JAKMIP1: variants seen among roughly 807,000 people sequenced by gnomAD.
JAKMIP1 encodes the protein janus kinase and microtubule interacting protein 1.
JAKMIP1 carries 33 observed loss-of-function variants against 113.0 expected under a neutral mutation model. The ratio of observed to expected loss-of-function variants is 0.29; its 90% confidence interval spans 0.22 to 0.39. The LOEUF is 0.39. Ranked by LOEUF, JAKMIP1 falls within the 10% of genes least tolerant of loss-of-function variation. The probability of loss-of-function intolerance (pLI) is 1.00; values close to 1 mark genes in which losing one functional copy is unlikely to be tolerated. For missense variants in JAKMIP1, 813 were observed against 1,080.5 expected (o/e 0.75, Z 3.47); for synonymous variants, 480 against 459.9 (o/e 1.04, Z -0.56).
At position 6,192,225 on chromosome 4, in the gene JAKMIP1, G is replaced by T. The variant is rs559509435; in HGVS notation, c.-148+8028C>A. Among the ~76,000 whole-genome samples, 2 of 152,068 alleles carry T rather than the reference G, an allele frequency of 1.3e-5. No individual in the cohort carries two copies. The highest frequency in any genetic ancestry group is 2.9e-5 in the Non-Finnish European group (2 of 68,012). ...TGGGATTACAGGCGTGAGCCACCGC[G>T]CCTGGCCAGGGTGTATTTTTCACTC... On this transcript the variant is annotated intron_variant, in intron 1 of 20. Coordinates refer to ENST00000409021, the MANE Select transcript of JAKMIP1 (RefSeq NM_001099433.2). The surrounding 1 kb of genome is among the most constrained non-coding windows in gnomAD (Gnocchi z 5.0).
At chr4:6,144,056 T>C (rs1386523181) in intron 1 of JAKMIP1, among the ~76,000 whole-genome samples, 1 of 152,180 alleles carries the variant, frequency 6.6e-6, no homozygotes, top group Non-Finnish European at 1.5e-5. Flanking sequence ...AGGAGCTGCA[T>C]CATGACACAG....
intron 1 of JAKMIP1, among the ~76,000 whole-genome samples, chr4:6,148,671 A>T (rs1392885701): frequency 6.6e-6 from 1 of 152,246 alleles, no homozygotes; most frequent in Non-Finnish European, 1.5e-5. Flanking sequence ...CAGGAGCCCC[A>T]ATAAACGGCA....
At chr4:6,074,827 A>T (rs1439007264) in intron 8 of JAKMIP1, among the ~76,000 whole-genome samples, 1 of 152,238 alleles carries the variant, frequency 6.6e-6, no homozygotes, top group Non-Finnish European at 1.5e-5. Flanking sequence ...TTAGATACAC[A>T]AATACCATTG....
intron 3 of JAKMIP1, among the ~76,000 whole-genome samples, chr4:6,099,564 T>A (rs1335155661): frequency 6.6e-6 from 1 of 150,596 alleles, no homozygotes; most frequent in East Asian, 2.0e-4. Flanking sequence ...AACCCCACAA[T>A]ACAATCTGAT....
chr4:6,149,011 AG>A (rs1721222972), intron 1 of JAKMIP1, among the ~76,000 whole-genome samples: 1 of 152,128 alleles, frequency 6.6e-6, no homozygotes, highest in African/African-American at 2.4e-5. Context: ...TTAGGTTTGC[AG>A]GGGGGTGGCG....
Position 6,094,370 on chromosome 4 carries a change from C to A in JAKMIP1, c.625-8741G>T, listed in dbSNP as rs1578212984. Among the ~76,000 whole-genome samples, 1 of 152,310 alleles carries A rather than the reference C, an allele frequency of 6.6e-6. No individual in the cohort carries two copies. Among genetic ancestry groups the A allele is most frequent in the East Asian group, 1.9e-4 (1 of 5,176 alleles). On this transcript the variant is annotated intron_variant, in intron 3 of 20. Transcript: ENST00000409021. The surrounding 1 kb of genome is among the most constrained non-coding windows in gnomAD (Gnocchi z 4.2). ...CCTGAAGCTTGATGCGAAAGGGCCA[C>A]TGAGAAGGCCAGAAATGGGCCACTC...
chr4:6,189,460 C>T (rs1420406126), intron 1 of JAKMIP1, among the ~76,000 whole-genome samples: 1 of 152,112 alleles, frequency 6.6e-6, no homozygotes, highest in Non-Finnish European at 1.5e-5. Flanking sequence ...GCAGAGTGGA[C>T]CTGATGCAAG....
rs1714275107 is a variant in JAKMIP1, at chr4:6,108,121, G to T, written c.130-2154C>A. The stretch of plus-strand genomic sequence containing the variant: ...CTGGTGATCCAGGTGTGTAGGGCAG[G>T]GATGGTGACAGAGAGGCAGGGGCCT... On this transcript the variant is annotated intron_variant, in intron 2 of 20. Transcript: ENST00000409021. The surrounding 1 kb of genome is among the most constrained non-coding windows in gnomAD (Gnocchi z 5.6). Among the ~76,000 whole-genome samples the T allele has an allele frequency of 6.6e-6, 1 of 152,128 alleles. No homozygotes were observed. Among genetic ancestry groups the T allele is most frequent in the East Asian group, 1.9e-4 (1 of 5,180 alleles).
At chr4:6,101,955 G>C (rs1263065734) in intron 3 of JAKMIP1, among the ~76,000 whole-genome samples, 1 of 149,826 alleles carries the variant, frequency 6.7e-6, no homozygotes, top group African/African-American at 2.4e-5. Flanking sequence ...GGATAGCACT[G>C]AATCTGTAGA....
intron 1 of JAKMIP1, among the ~76,000 whole-genome samples, chr4:6,121,541 G>A (rs530779415): frequency 3.3e-5 from 5 of 152,292 alleles, no homozygotes; most frequent in Non-Finnish European, 7.3e-5. Context: ...ACTAAATCCC[G>A]TGATGGGTAT....
At position 6,137,397 on chromosome 4, in the gene JAKMIP1, T is replaced by A. The variant is rs1719399770; in HGVS notation, c.-147-24400A>T. On this transcript the variant is annotated intron_variant, in intron 1 of 20. Transcript: ENST00000409021. The surrounding 1 kb of genome is among the most constrained non-coding windows in gnomAD (Gnocchi z 4.5). ...CGTACCTTCGCTGGGAGTCAGGAAATTCACGGCTCTGGCCCATGGAACCTT... is the reference window on the plus strand; with the variant it reads ...CGTACCTTCGCTGGGAGTCAGGAAAATCACGGCTCTGGCCCATGGAACCTT... 6.6e-6 allele frequency among the ~76,000 whole-genome samples: 1 copy of A among 152,318 alleles called. No individual in the cohort carries two copies. Among genetic ancestry groups the A allele is most frequent in the Middle Eastern group, 3.4e-3 (1 of 294 alleles).
In JAKMIP1 at chr4:6,049,770, C is replaced by A. The variant is rs1476229010; in HGVS notation, c.1962+49G>T. ...AAAACAAAAGTCACACAGAATACAC[C>A]CAGATCAAAACAAGAACACGAAAGC... On this transcript the variant is annotated intron_variant, in intron 15 of 20. Transcript: ENST00000409021. The surrounding 1 kb of genome is among the most constrained non-coding windows in gnomAD (Gnocchi z 7.0). 7.3e-7 allele frequency: 1 copy of A among 1,362,674 alleles called. No individual in the cohort carries two copies. Among genetic ancestry groups the A allele is most frequent in the Non-Finnish European group, 1.0e-6 (1 of 952,624 alleles). 84.4% of individuals were successfully genotyped at this position (1,362,674 alleles called of 1,614,324 possible). A position where few individuals can be genotyped will look rare whatever the true frequency, so the allele number is the denominator to read the frequency against.
intron 1 of JAKMIP1, among the ~76,000 whole-genome samples, chr4:6,174,109 A>C (rs1002425432): frequency 3.3e-5 from 5 of 152,146 alleles, no homozygotes; most frequent in Non-Finnish European, 7.4e-5. Flanking sequence ...AATGATCAAA[A>C]TCAGAAATTT....
At chr4:6,169,144 G>A (rs1391874664) in intron 1 of JAKMIP1, among the ~76,000 whole-genome samples, 3 of 152,164 alleles carry the variant, frequency 2.0e-5, no homozygotes, top group Non-Finnish European at 4.4e-5. Context: ...TTATATCTCA[G>A]TAACGCTATT....
intron 1 of JAKMIP1, among the ~76,000 whole-genome samples, chr4:6,115,707 C>A (rs1328262606): frequency 6.6e-6 from 1 of 152,088 alleles, no homozygotes; most frequent in Admixed American, 6.5e-5. Context: ...GCAGTTTTTT[C>A]GTTTTGTTTT....
intron 19 of JAKMIP1, among the ~76,000 whole-genome samples, chr4:6,033,373 G>A (rs757416372): frequency 5.3e-5 from 8 of 152,164 alleles, no homozygotes; most frequent in Non-Finnish European, 1.2e-4. Flanking sequence ...AGGTAGTGTC[G>A]CCCGTGTTGA....
rs1484780785 is a variant in JAKMIP1, at chr4:6,188,356, G to A, written c.-148+11897C>T. 1.3e-5 allele frequency among the ~76,000 whole-genome samples: 2 copies of A among 152,216 alleles called. No homozygotes were observed. The highest frequency in any genetic ancestry group is 2.4e-5 in the African/African-American group (1 of 41,460). On this transcript the variant is annotated intron_variant, in intron 1 of 20. Transcript: ENST00000409021. This position sits in a 1 kb window ranked among gnomAD's most constrained non-coding sequence, Gnocchi z 5.8. ...GATTCAGAACAGAATCCGCAATGAT[G>A]GCGTTTTCAAGTGCTGTGGCACTGT... is the stretch of plus-strand genomic sequence containing the variant.
At chr4:6,058,427 T>C (rs1222868170) in intron 11 of JAKMIP1, among the ~76,000 whole-genome samples, 1 of 152,276 alleles carries the variant, frequency 6.6e-6, no homozygotes, top group Admixed American at 6.5e-5. Flanking sequence ...ATATTTGTTA[T>C]AGACTTGCTC....
rs112686509 is a variant in JAKMIP1 at position 6,193,481 on chromosome 4, G to T, written c.-148+6772C>A. Reference sequence around the variant, plus strand: ...ATGAAAAGAAGCCAGTCTGGGCCAGGGTAGGGATGAACATTCCAGGCAGCA... The same window carrying T: ...ATGAAAAGAAGCCAGTCTGGGCCAGTGTAGGGATGAACATTCCAGGCAGCA... On this transcript the variant is annotated intron_variant, in intron 1 of 20. Coordinates refer to ENST00000409021, the MANE Select transcript of JAKMIP1 (RefSeq NM_001099433.2). The surrounding 1 kb of genome is among the most constrained non-coding windows in gnomAD (Gnocchi z 6.4). 2.6e-5 allele frequency among the ~76,000 whole-genome samples: 4 copies of T among 152,310 alleles called. No individual in the cohort carries two copies. Among genetic ancestry groups the T allele is most frequent in the African/African-American group, 9.6e-5 (4 of 41,562 alleles).
Sources: allele counts gnomAD v4.1 joint callset (sites outside exome capture counted in the v4.1 genomes callset), GRCh38; gene constraint gnomAD v4.1.1; non-coding constraint Gnocchi (gnomAD v3.1); transcripts MANE v1.5; gene names NCBI Gene and HGNC (gene_info 2026-07-23, HGNC 2026-07-21).